The following MIDEAS variants were observed in gnomAD, a reference collection of about 807,000 sequenced individuals.
The protein encoded by MIDEAS is mitotic deacetylase associated SANT domain protein.
In MIDEAS, 26 loss-of-function variants were observed where a neutral mutation model predicts 102.7. The observed-to-expected ratio is 0.25, with a 90% CI of 0.19 to 0.35. The LOEUF is 0.35. Among genes scored for constraint, MIDEAS ranks in the 10% least tolerant of loss-of-function variants. The probability of loss-of-function intolerance (pLI) is 1.00; values close to 1 mark genes in which losing one functional copy is unlikely to be tolerated. For synonymous variants in MIDEAS, 585 were observed against 591.0 expected (o/e 0.99, Z 0.15); for missense variants, 1,231 against 1,435.6 (o/e 0.86, Z 2.30).
chr14:73,764,036 C>A (rs564171960), upstream of MIDEAS, among the ~76,000 whole-genome samples: 1 of 152,202 alleles, frequency 6.6e-6, no homozygotes, highest in South Asian at 2.1e-4. Flanking sequence ...CTAGGTTATC[C>A]CTTCTTAAGA....
intron 3 of MIDEAS, among the ~76,000 whole-genome samples, chr14:73,731,503 C>G (rs985964287): frequency 6.6e-6 from 1 of 151,746 alleles, no homozygotes; most frequent in African/African-American, 2.4e-5. Flanking sequence ...GAGCCAAAGG[C>G]CCCCCAAACT....
rs528826451 is a variant in MIDEAS at position 73,772,088 on chromosome 14, C to T, written c.-248+15014G>A. Among the ~76,000 whole-genome samples, 7 of 152,330 alleles carry T rather than the reference C, an allele frequency of 4.6e-5. No homozygotes were observed. The East Asian group carries it at 1.2e-3, about 25-fold the overall frequency. On this transcript the variant is annotated intron_variant, in intron 1 of 11. Transcript: ENST00000394071. ...AGCTGGGGGCTGGAGGCAGAGTCCA[C>T]GCTGTGAACCCGAGTTACTCAGCCA...
chr14:73,783,888 C>CT (rs374425620), intron 1 of MIDEAS, among the ~76,000 whole-genome samples: 22 of 152,118 alleles, frequency 1.4e-4, no homozygotes, highest in African/African-American at 5.1e-4. Flanking sequence ...GTTCGGCCTC[C>CT]TTTTTTGGAG....
At chr14:73,773,132 C>T (rs1253115964) in intron 1 of MIDEAS, among the ~76,000 whole-genome samples, 2 of 148,858 alleles carry the variant, frequency 1.3e-5, no homozygotes, top group Non-Finnish European at 3.0e-5. Flanking sequence ...GCCACCACGC[C>T]TGGCTTCTCA....
rs1042455853 is a variant in MIDEAS at position 73,729,877 on chromosome 14, C to T, written c.1858G>A (p.Ala620Thr). ...IIPTKAGTFI[A>T]PPVYSNITPY... ...GTGATGTTGGAGTAGACGGGAGGGG[C>T]GATGAAAGTGCCCGCCTTGGTGGGG... is the stretch of plus-strand genomic sequence containing the variant. The change falls in exon 4 of 13, where the codon GCC (alanine) becomes ACC (threonine). Residue 620 changes from alanine to threonine, a missense_variant. Ala to Thr is a moderately conservative substitution (Grantham distance 58). This residue lies in a region of MIDEAS where 758 missense variants were observed against 856.0 expected (regional missense o/e 0.89). Transcript: ENST00000423556. 9 of 1,613,382 alleles carry T rather than the reference C, an allele frequency of 5.6e-6. No individual in the cohort carries two copies. Among genetic ancestry groups the T allele is most frequent in the Admixed American group, 3.3e-5 (2 of 59,982 alleles).
chr14:73,730,227 T>C (rs1462849179), intron 3 of MIDEAS: 2 of 691,332 alleles, frequency 2.9e-6, no homozygotes, highest in South Asian at 3.1e-5. Flanking sequence ...GGGCCACATG[T>C]GATCTCTGTT....
At chr14:73,721,151 T>C in intron 11 of MIDEAS, 146 bp downstream of exon 11, 1 of 753,418 alleles carries the variant, frequency 1.3e-6, no homozygotes, top group South Asian at 1.7e-5. Flanking sequence ...GAGGATTAAA[T>C]GAGTTAACAG....
intron 1 of MIDEAS, among the ~76,000 whole-genome samples, chr14:73,772,384 A>AT (rs1377008218): frequency 6.6e-6 from 1 of 152,244 alleles, no homozygotes; most frequent in East Asian, 1.9e-4. Context: ...CATTATGCCA[A>AT]TTTTTACTAT....
chr14:73,771,441 G>T (rs2053641519), intron 1 of MIDEAS, among the ~76,000 whole-genome samples: 1 of 152,142 alleles, frequency 6.6e-6, no homozygotes, highest in South Asian at 2.1e-4. Context: ...TCCTGCCCTG[G>T]TCACATTCCT....
At chr14:73,788,156 A>G (rs1279126399), upstream of MIDEAS, among the ~76,000 whole-genome samples, 2 of 94,622 alleles carry the variant, frequency 2.1e-5, no homozygotes, top group African/African-American at 1.1e-4. Flanking sequence ...TTTGCTGGTG[A>G]AAAAAAAAAA....
chr14:73,788,137 G>A (rs770053765), upstream of MIDEAS, among the ~76,000 whole-genome samples: 120 of 151,026 alleles, frequency 7.9e-4, no homozygotes, highest in Middle Eastern at 3.4e-3. Context: ...AGAAAAAACG[G>A]GGTTAGCCTT....
chr14:73,727,708 A>AT, intron 4 of MIDEAS, 184 bp from the exon 5 acceptor site: 1 of 573,098 alleles, frequency 1.7e-6, no homozygotes, highest in Non-Finnish European at 3.0e-6. Flanking sequence ...CCTTCACTAA[A>AT]TATTTGGGTG....
chr14:73,769,043 G>A (rs574691359), intron 1 of MIDEAS, among the ~76,000 whole-genome samples: 11 of 152,264 alleles, frequency 7.2e-5, no homozygotes, highest in Admixed American at 3.3e-4. Context: ...CTCTGAGTGC[G>A]TAACTCCTGG....
chr14:73,747,705 TG>T (rs2053370865), intron 1 of MIDEAS, among the ~76,000 whole-genome samples: 2 of 111,976 alleles, frequency 1.8e-5, no homozygotes, highest in African/African-American at 6.6e-5. Flanking sequence ...GGGTCGGGGG[TG>T]GGAAGAGCAC....
At chr14:73,783,305 G>C (rs189411662) in intron 1 of MIDEAS, among the ~76,000 whole-genome samples, 60 of 152,306 alleles carry the variant, frequency 3.9e-4, no homozygotes, top group African/African-American at 1.4e-3. Flanking sequence ...ACACAAACAG[G>C]ACTGGAAGGG....
Position 73,737,231 on chromosome 14 carries a change from ACTC to A in MIDEAS, c.1513_1515del (p.Glu505del), listed in dbSNP as rs780135943. 1.2e-6 allele frequency: 2 copies of A among 1,612,744 alleles called. No homozygotes were observed. The highest frequency in any genetic ancestry group is 2.2e-5 in the South Asian group (2 of 91,014). ...TTGGTGGCTAAGGAAGGCTCAGAAA[ACTC>A]CACCCCACACTTGGTAGTTGAGGCC... is the stretch of plus-strand genomic sequence containing the variant. On this transcript the variant is annotated inframe_deletion, in exon 3 of 13. Coordinates refer to ENST00000423556, the MANE Select transcript of MIDEAS (RefSeq NM_001367710.1).
At chr14:73,744,479 G>A (rs373342180) in intron 1 of MIDEAS, among the ~76,000 whole-genome samples, 7 of 152,222 alleles carry the variant, frequency 4.6e-5, no homozygotes, top group African/African-American at 1.7e-4. Flanking sequence ...CCCTGCCCTT[G>A]GAGGCTAATG....
chr14:73,790,027 G>A (rs2053854693), upstream of MIDEAS: 1 of 152,254 alleles, frequency 6.6e-6, no homozygotes, highest in Non-Finnish European at 1.5e-5. Context: ...ATTTTGGTTG[G>A]GGTGGAGGGT....
intron 1 of MIDEAS, among the ~76,000 whole-genome samples, chr14:73,780,107 C>T (rs1190729943): frequency 1.3e-5 from 2 of 151,452 alleles, no homozygotes; most frequent in East Asian, 1.9e-4. Context: ...ATCTCCCGAC[C>T]TCATGATCCA....
Sources: allele counts gnomAD v4.1 joint callset (sites outside exome capture counted in the v4.1 genomes callset), GRCh38; gene constraint gnomAD v4.1.1; regional missense constraint gnomAD v4.1.1; transcripts MANE v1.5; gene names NCBI Gene and HGNC (gene_info 2026-07-23, HGNC 2026-07-21).